Variants in RBFOX1 observed in about 807,000 individuals in gnomAD.
RBFOX1 encodes the protein RNA binding protein fox-1 homolog 1.
A neutral mutation model predicts 57.7 loss-of-function variants in RBFOX1; 8 were observed. That is an observed-to-expected ratio of 0.14 (90% CI 0.08 to 0.25). The LOEUF (loss-of-function observed/expected upper bound fraction) is 0.25. Ranked by LOEUF, RBFOX1 falls within the 10% of genes least tolerant of loss-of-function variation. The pLI is 1.00. For synonymous variants in RBFOX1, 326 were observed against 222.4 expected, an observed-to-expected ratio of 1.47 and a Z score of -4.15; for missense variants, 611 against 548.5, an observed-to-expected ratio of 1.11 and a Z score of -1.14.
chr16:6,140,995 C>G (rs760652482), intron 1 of RBFOX1, among the ~76,000 whole-genome samples: 4 of 152,118 alleles, frequency 2.6e-5, no homozygotes, highest in African/African-American at 9.7e-5. Flanking sequence ...GGACACTGAC[C>G]CACACTGTGA....
chr16:5,807,904 C>G (rs966142060), intron 3 of RBFOX1, among the ~76,000 whole-genome samples: 3 of 152,166 alleles, frequency 2.0e-5, no homozygotes, highest in Non-Finnish European at 2.9e-5. Flanking sequence ...TTTCCAGAAC[C>G]ACATCCACCC....
At chr16:6,978,023 CT>C (rs1237356085) in intron 3 of RBFOX1, among the ~76,000 whole-genome samples, 1 of 150,822 alleles carries the variant, frequency 6.6e-6, no homozygotes, top group African/African-American at 2.5e-5. Context: ...TGTTTATTTT[CT>C]GGGTCCCCCA....
At chr16:5,809,391 A>G (rs2055342173) in intron 3 of RBFOX1, among the ~76,000 whole-genome samples, 1 of 152,118 alleles carries the variant, frequency 6.6e-6, no homozygotes, top group South Asian at 2.1e-4. Flanking sequence ...CAGGCAGCCT[A>G]CACAATGGGA....
intron 3 of RBFOX1, among the ~76,000 whole-genome samples, chr16:6,947,621 C>A (rs144014831): frequency 6.6e-6 from 1 of 152,200 alleles, no homozygotes; most frequent in Non-Finnish European, 1.5e-5. Flanking sequence ...AAAACTGTTC[C>A]TGGTTCCAGA....
intron 3 of RBFOX1, among the ~76,000 whole-genome samples, chr16:5,784,495 A>T (rs902935299): frequency 2.6e-5 from 4 of 151,856 alleles, no homozygotes; most frequent in Non-Finnish European, 5.9e-5. Context: ...GAGACGGGGG[A>T]GGTACTACAC....
chr16:6,014,481 T>C (rs2094981358), upstream of RBFOX1, among the ~76,000 whole-genome samples: 1 of 152,114 alleles, frequency 6.6e-6, no homozygotes, highest in African/African-American at 2.4e-5. Flanking sequence ...CCTTGGTTAA[T>C]ATCAAAACCC....
chr16:5,883,539 T>G lies in RBFOX1; in HGVS notation c.351+16204T>G, dbSNP rs746634446. Among the ~76,000 whole-genome samples, 14 of 152,070 alleles carry G rather than the reference T, an allele frequency of 9.2e-5. No homozygotes were observed. The East Asian group carries it at 1.2e-3, about 13-fold the overall frequency. ...GGGTGGCAAACCCACAGTCCCAACG[T>G]TGGACTGCTCTAATTGTTTTGAGTG... On this transcript the variant is annotated intron_variant, in intron 4 of 19. Transcript: ENST00000641259.
At position 6,097,104 on chromosome 16, in the gene RBFOX1, T is replaced by C. The variant is rs867808443; in HGVS notation, c.-127+77112T>C. On this transcript the variant is annotated intron_variant, in intron 1 of 15. Coordinates refer to ENST00000550418, the MANE Select transcript of RBFOX1 (RefSeq NM_018723.4). This position sits in a 1 kb window ranked among gnomAD's most constrained non-coding sequence, Gnocchi z 5.0. ...GGTGGTGAGTAAGTCTTACTAGATC[T>C]GATGGTTTGATAAGGGGAAATCGCT... Among the ~76,000 whole-genome samples the C allele has an allele frequency of 6.6e-6, 1 of 152,306 alleles. No individual in the cohort carries two copies. Among genetic ancestry groups the C allele is most frequent in the Middle Eastern group, 3.4e-3 (1 of 294 alleles).
intron 4 of RBFOX1, among the ~76,000 whole-genome samples, chr16:7,123,029 C>T (rs2067554778): frequency 6.6e-6 from 1 of 151,634 alleles, no homozygotes; most frequent in African/African-American, 2.4e-5. Flanking sequence ...AGATCAGGGG[C>T]TGCCAGGGAT....
At chr16:6,278,190 C>G (rs1353432640) in intron 1 of RBFOX1, among the ~76,000 whole-genome samples, 1 of 151,910 alleles carries the variant, frequency 6.6e-6, no homozygotes, top group Admixed American at 6.6e-5. Flanking sequence ...ACTTTGTGAC[C>G]ACGTTGCCCC....
rs535853731 is a variant in RBFOX1, at chr16:7,017,651, G to A, written c.-15-34406G>A. ...TGAAATGAGTGTTGCTTTGTCTCAT[G>A]GCTGATACATGCTTGACCTTGGTGA... On this transcript the variant is annotated intron_variant, in intron 3 of 15. Coordinates refer to ENST00000550418, the MANE Select transcript of RBFOX1 (RefSeq NM_018723.4). Among the ~76,000 whole-genome samples, 266 of 152,226 alleles carry A rather than the reference G, an allele frequency of 1.7e-3. 3 individuals carry two copies. Among genetic ancestry groups the A allele is most frequent in the Non-Finnish European group, 3.1e-3 (209 of 68,018 alleles).
chr16:6,603,617 C>CG (rs947732961), intron 2 of RBFOX1, among the ~76,000 whole-genome samples: 4 of 152,230 alleles, frequency 2.6e-5, no homozygotes, highest in African/African-American at 9.6e-5. Context: ...AAAGCCCCCC[C>CG]GGGCAGCCGC....
intron 4 of RBFOX1, among the ~76,000 whole-genome samples, chr16:7,206,881 C>T (rs568007770): frequency 6.6e-6 from 1 of 152,104 alleles, no homozygotes; most frequent in South Asian, 2.1e-4. Flanking sequence ...GCTGGAGAAA[C>T]CGTCTTAACT....
intron 3 of RBFOX1, among the ~76,000 whole-genome samples, chr16:5,812,498 ACT>A (rs1258204758): frequency 1.4e-5 from 2 of 141,976 alleles, no homozygotes; most frequent in Non-Finnish European, 3.0e-5. Context: ...TCACTCTATC[ACT>A]CAGGCGGGAG....
intron 3 of RBFOX1, among the ~76,000 whole-genome samples, chr16:6,925,812 C>A (rs913634118): frequency 1.3e-5 from 2 of 151,254 alleles, no homozygotes; most frequent in South Asian, 2.1e-4. Context: ...ATAAGCCTGG[C>A]GAAATTACCT....
In RBFOX1 at chr16:7,195,368, A is replaced by G. The variant is rs572698847; in HGVS notation, c.27+143270A>G. ...AGTTTCACCAATGACCTGGTGTGCAAATTTGTCCACTGTAAGAGTATCAAA... is the reference window on the plus strand; with the variant it reads ...AGTTTCACCAATGACCTGGTGTGCAGATTTGTCCACTGTAAGAGTATCAAA... On this transcript the variant is annotated intron_variant, in intron 4 of 15. Coordinates refer to ENST00000550418, the MANE Select transcript of RBFOX1 (RefSeq NM_018723.4). Among the ~76,000 whole-genome samples, 9 of 152,250 alleles carry G rather than the reference A, an allele frequency of 5.9e-5. 1 individual carries two copies. The highest frequency in any genetic ancestry group is 4.6e-4 in the Admixed American group (7 of 15,290).
chr16:5,941,052 A>T (rs77473496), intron 4 of RBFOX1, among the ~76,000 whole-genome samples: 1 of 152,130 alleles, frequency 6.6e-6, no homozygotes, highest in African/African-American at 2.4e-5. Context: ...ATTAAATGAG[A>T]TGATGCATGC....
In RBFOX1 at chr16:7,351,398, A is replaced by C. The variant is rs111275227; in HGVS notation, c.28-166749A>C. On this transcript the variant is annotated intron_variant, in intron 4 of 15. Transcript: ENST00000550418. ...CCACTACGTGCAAGGCACGATGGCA[A>C]ACATTAGGAACGCAATGAAGTCAGC... Among the ~76,000 whole-genome samples the C allele has an allele frequency of 7.0e-3, 1,066 of 152,390 alleles. 10 individuals are homozygous for C. The highest frequency in any genetic ancestry group is 0.034 in the Middle Eastern group (10 of 294).
chr16:5,560,101 T>A (rs2045838113), intron 2 of RBFOX1, among the ~76,000 whole-genome samples: 1 of 152,230 alleles, frequency 6.6e-6, no homozygotes, highest in African/African-American at 2.4e-5. Context: ...ACATATTCAT[T>A]ATTTATAGAA....
Sources: gnomAD v4.1 joint callset for allele counts (sites outside exome capture counted in the v4.1 genomes callset) on GRCh38, gnomAD v4.1.1 for gene constraint, Gnocchi (gnomAD v3.1) non-coding constraint, MANE v1.5 for transcripts, NCBI Gene and HGNC (gene_info 2026-07-23, HGNC 2026-07-21) for gene names.